FGF14: variants seen among roughly 807,000 people sequenced by gnomAD.
FGF14 encodes fibroblast growth factor homologous factor 4.
A neutral mutation model predicts 25.5 loss-of-function variants in FGF14; 5 were observed. The observed-to-expected ratio is 0.20, with a 90% CI of 0.10 to 0.41. The LOEUF (loss-of-function observed/expected upper bound fraction) is 0.41, where lower values mean the gene tolerates loss of function less well. Among genes scored for constraint, FGF14 ranks in the 10% least tolerant of loss-of-function variants. The pLI, the probability that FGF14 is intolerant of heterozygous loss-of-function variation, is 1.00. For synonymous variants in FGF14, 138 were observed against 118.3 expected (o/e 1.17, Z -1.08); for missense variants, 222 against 320.1 (o/e 0.69, Z 2.34).
chr13:102,192,615 C>T (rs187187195), intron 1 of FGF14, among the ~76,000 whole-genome samples: 34 of 152,236 alleles, frequency 2.2e-4, no homozygotes, highest in African/African-American at 7.9e-4. Flanking sequence ...TTAGGTATCT[C>T]CTTAGCTAAT....
chr13:101,738,479 G>A (rs907976926), intron 3 of FGF14, among the ~76,000 whole-genome samples: 4 of 152,048 alleles, frequency 2.6e-5, no homozygotes, highest in East Asian at 3.9e-4. Flanking sequence ...GGAACACATC[G>A]GCCATGAGTC....
At position 101,721,461 on chromosome 13, in the gene FGF14, T is replaced by A. The variant is rs1464402887; in HGVS notation, c.*1370A>T. On this transcript the variant is annotated 3_prime_UTR_variant, in exon 5 of 5. Coordinates refer to ENST00000376143, the MANE Select transcript of FGF14 (RefSeq NM_004115.4). ...TTGCCTTTATTTTCATCTAGGATAATTCAACAGACTGTATTCTGAGATCAT... is the reference window on the plus strand; with the variant it reads ...TTGCCTTTATTTTCATCTAGGATAAATCAACAGACTGTATTCTGAGATCAT... 1 of 151,998 alleles carries A rather than the reference T, an allele frequency of 6.6e-6. No individual in the cohort carries two copies. Among genetic ancestry groups the A allele is most frequent in the Non-Finnish European group, 1.5e-5 (1 of 67,976 alleles). 9.4% of individuals were successfully genotyped at this position (151,998 alleles called of 1,614,324 possible). A position where few individuals can be genotyped will look rare whatever the true frequency, so the allele number is the denominator to read the frequency against.
intron 1 of FGF14, among the ~76,000 whole-genome samples, chr13:102,181,593 C>A (rs974439323): frequency 6.6e-6 from 1 of 152,172 alleles, no homozygotes; most frequent in African/African-American, 2.4e-5. Context: ...TGAGGCAATG[C>A]AGCTGCAAAT....
At chr13:102,111,777 C>CAAA (rs10602468) in intron 1 of FGF14, among the ~76,000 whole-genome samples, 1 of 137,688 alleles carries the variant, frequency 7.3e-6, no homozygotes, top group South Asian at 2.2e-4. Context: ...AACCATCAAA[C>CAAA]AAAAAAAAAA....
At chr13:102,235,803 C>G (rs2051302459) in intron 1 of FGF14, among the ~76,000 whole-genome samples, 1 of 152,152 alleles carries the variant, frequency 6.6e-6, no homozygotes, top group Admixed American at 6.5e-5. Context: ...TAAAATGAGG[C>G]TGAGACCTGC....
chr13:101,838,546 C>T (rs1299831033), intron 3 of FGF14, among the ~76,000 whole-genome samples: 1 of 152,050 alleles, frequency 6.6e-6, no homozygotes, highest in Non-Finnish European at 1.5e-5. Flanking sequence ...ATTTTGGTCA[C>T]TTGGTAATCA....
intron 1 of FGF14, among the ~76,000 whole-genome samples, chr13:102,161,647 A>G (rs1223469078): frequency 0.022 from 436 of 19,770 alleles, 18 homozygotes; most frequent in Non-Finnish European, 0.031. Context: ...GAAGAAGAAG[A>G]AGAAGAAGAA....
intron 1 of FGF14, among the ~76,000 whole-genome samples, chr13:102,092,247 G>A (rs1305780004): frequency 6.6e-6 from 1 of 152,164 alleles, no homozygotes; most frequent in East Asian, 1.9e-4. Context: ...GTGTTTTTAT[G>A]TAAAATATAG....
At chr13:101,838,712 G>A (rs1015122760) in intron 3 of FGF14, among the ~76,000 whole-genome samples, 3 of 151,964 alleles carry the variant, frequency 2.0e-5, no homozygotes, top group Non-Finnish European at 4.4e-5. Flanking sequence ...ATATGACCTT[G>A]AACTAGGCAG....
At chr13:101,875,681 A>G (rs182980267) in intron 1 of FGF14, among the ~76,000 whole-genome samples, 336 of 152,266 alleles carry the variant, frequency 2.2e-3, no homozygotes, top group African/African-American at 7.8e-3. Flanking sequence ...AAATTTTATT[A>G]AAAGGTTTTT....
chr13:102,001,647 C>T (rs2139737764), intron 1 of FGF14, among the ~76,000 whole-genome samples: 1 of 152,216 alleles, frequency 6.6e-6, no homozygotes, highest in East Asian at 1.9e-4. Flanking sequence ...TATGGTAGTA[C>T]CTTGCAGGGA....
chr13:102,000,845 T>A (rs1334037465), intron 1 of FGF14, among the ~76,000 whole-genome samples: 1 of 152,212 alleles, frequency 6.6e-6, no homozygotes, highest in Non-Finnish European at 1.5e-5. Flanking sequence ...AAAATGCCAA[T>A]GGAAATGTCC....
At chr13:101,896,276 TACC>T (rs1323342099) in intron 1 of FGF14, among the ~76,000 whole-genome samples, 2 of 152,136 alleles carry the variant, frequency 1.3e-5, no homozygotes, top group Non-Finnish European at 2.9e-5. Context: ...ACGCTTCCCA[TACC>T]ACCAAGGACA....
chr13:102,023,944 C>T (rs1458923369), intron 1 of FGF14, among the ~76,000 whole-genome samples: 3 of 152,002 alleles, frequency 2.0e-5, no homozygotes, highest in Non-Finnish European at 4.4e-5. Context: ...TGTGGTCCCA[C>T]ACCAAGATAT....
intron 1 of FGF14, among the ~76,000 whole-genome samples, chr13:101,930,210 AC>A (rs2034656338): frequency 6.6e-6 from 1 of 152,232 alleles, no homozygotes; most frequent in Admixed American, 6.5e-5. Context: ...GAGAAACCCA[AC>A]AAAAACAACA....
chr13:102,163,832 G>T (rs1326488220), intron 1 of FGF14, among the ~76,000 whole-genome samples: 6 of 151,416 alleles, frequency 4.0e-5, no homozygotes, highest in African/African-American at 1.5e-4. Context: ...AATCAGACTT[G>T]CCCCCCCCAG....
intron 1 of FGF14, among the ~76,000 whole-genome samples, chr13:102,214,069 T>A (rs551367692): frequency 8.5e-5 from 13 of 152,268 alleles, no homozygotes; most frequent in African/African-American, 3.1e-4. Context: ...AAGCATCGAG[T>A]CCCTCCGCTG....
At chr13:102,231,973 A>T (rs1433445717) in intron 1 of FGF14, among the ~76,000 whole-genome samples, 1 of 152,230 alleles carries the variant, frequency 6.6e-6, no homozygotes, top group African/African-American at 2.4e-5. Context: ...TGATAGAGAA[A>T]ATAGCCTGAG....
At chr13:102,193,337 G>T (rs779870763) in intron 1 of FGF14, among the ~76,000 whole-genome samples, 24 of 152,036 alleles carry the variant, frequency 1.6e-4, no homozygotes, top group Non-Finnish European at 2.9e-4. Context: ...CTCATCATGA[G>T]GGATCCAGTC....
Sources: gnomAD v4.1 joint callset for allele counts (sites outside exome capture counted in the v4.1 genomes callset) on GRCh38, gnomAD v4.1.1 for gene constraint, MANE v1.5 for transcripts, NCBI Gene and HGNC (gene_info 2026-07-23, HGNC 2026-07-21) for gene names.